Variants in C16orf74 observed in about 807,000 individuals in gnomAD.
The protein encoded by C16orf74 is uncharacterized protein C16orf74.
In C16orf74, 10 loss-of-function variants were observed where a neutral mutation model predicts 6.5. The observed-to-expected ratio is 1.54, with a 90% CI of 0.95 to 2.61. C16orf74 has a LOEUF of 2.61. C16orf74 is among the 30% of genes most tolerant of loss of function. C16orf74 has a pLI of 0.00. For synonymous variants in C16orf74, 60 were observed against 42.5 expected (o/e 1.41, Z -1.60); for missense variants, 141 against 105.9 (o/e 1.33, Z -1.45).
At chr16:85,746,960 G>T (rs903052935) in intron 1 of C16orf74, among the ~76,000 whole-genome samples, 1 of 152,094 alleles carries the variant, frequency 6.6e-6, no homozygotes, top group Non-Finnish European at 1.5e-5. Context: ...CTTAGCCACG[G>T]TCCTGCGGGG....
chr16:85,710,591 C>A (rs1455934906), intron 2 of C16orf74: 1 of 385,334 alleles, frequency 2.6e-6, no homozygotes, highest in Non-Finnish European at 4.6e-6. Context: ...CAGCCTTTAC[C>A]ATGTGGCCCA....
At position 85,708,060 on chromosome 16, in the gene C16orf74, A is replaced by T. The variant is rs1330026385; in HGVS notation, c.179T>A (p.Leu60Gln). The change falls in exon 4 of 4, where the codon CTG (leucine) becomes CAG (glutamine). Residue 60 changes from leucine to glutamine, a missense_variant. Transcript: ENST00000284245. Reference sequence around the variant, plus strand: ...ATCTGGGCACGACCCTGTCTCATCCAGCCAGACTAGGAGAAAGAGGGGATG... The same window carrying T: ...ATCTGGGCACGACCCTGTCTCATCCTGCCAGACTAGGAGAAAGAGGGGATG... ...LPRDLGSTVW[L>Q]DETGSCPDDG... The T allele has an allele frequency of 6.4e-7, 1 of 1,553,282 alleles. No individual in the cohort carries two copies. The highest frequency in any genetic ancestry group is 8.7e-7 in the Non-Finnish European group (1 of 1,147,806).
chr16:85,710,550 C>T, intron 2 of C16orf74: 1 of 476,878 alleles, frequency 2.1e-6, no homozygotes, highest in Non-Finnish European at 3.7e-6. Flanking sequence ...AAATGCTGAT[C>T]ATAGGCTAGT....
At chr16:85,727,736 C>T (rs2054148291) in intron 2 of C16orf74, among the ~76,000 whole-genome samples, 1 of 151,912 alleles carries the variant, frequency 6.6e-6, no homozygotes, top group African/African-American at 2.4e-5. Flanking sequence ...ATCGCTTGAT[C>T]CCAGGAGGTG....
intron 1 of C16orf74, chr16:85,743,541 C>A (rs971828650): frequency 1.3e-5 from 2 of 152,346 alleles, no homozygotes; most frequent in Non-Finnish European, 2.9e-5. Context: ...CATCACTGCA[C>A]TGGGTTGCAG....
At chr16:85,738,060 G>C (rs2054263693) in intron 1 of C16orf74, among the ~76,000 whole-genome samples, 3 of 148,956 alleles carry the variant, frequency 2.0e-5, no homozygotes, top group Admixed American at 1.4e-4. Context: ...GAAGCCAAAA[G>C]ATTGGACACC....
In C16orf74 at chr16:85,729,877, G is replaced by A. The variant is rs929931419; in HGVS notation, c.28+5313C>T. Among the ~76,000 whole-genome samples, 11 of 152,288 alleles carry A rather than the reference G, an allele frequency of 7.2e-5. No individual in the cohort carries two copies. In the East Asian group the frequency reaches 7.7e-4, roughly 11 times the overall value. ...GAGGGAGGGCGGCCCTGCCAGGGCCGATTTCAGAACAATGAGAGAATAAAA... is the reference window on the plus strand; with the variant it reads ...GAGGGAGGGCGGCCCTGCCAGGGCCAATTTCAGAACAATGAGAGAATAAAA... On this transcript the variant is annotated intron_variant, in intron 2 of 3. Transcript: ENST00000284245.
chr16:85,717,790 C>T (rs543515683), intron 2 of C16orf74, among the ~76,000 whole-genome samples: 1 of 152,374 alleles, frequency 6.6e-6, no homozygotes, highest in South Asian at 2.1e-4. Context: ...TGGTAATACA[C>T]AGAGCCTGGG....
intron 1 of C16orf74, among the ~76,000 whole-genome samples, chr16:85,738,662 G>A (rs997157211): frequency 2.0e-5 from 3 of 151,736 alleles, no homozygotes; most frequent in South Asian, 2.1e-4. Context: ...CTCCCTGCAG[G>A]ACTCTCACAT....
At chr16:85,736,518 A>C (rs1392978310) in intron 1 of C16orf74, among the ~76,000 whole-genome samples, 1 of 152,144 alleles carries the variant, frequency 6.6e-6, no homozygotes, top group African/African-American at 2.4e-5. Context: ...AGGTGGAGCT[A>C]GTAAGACATG....
intron 2 of C16orf74, among the ~76,000 whole-genome samples, chr16:85,727,873 T>A (rs895797194): frequency 6.1e-5 from 9 of 148,456 alleles, no homozygotes; most frequent in African/African-American, 2.3e-4. Context: ...GTGCGGTGGC[T>A]CATGCCTGAA....
chr16:85,731,571 G>T (rs573411754), intron 2 of C16orf74, among the ~76,000 whole-genome samples: 37 of 152,188 alleles, frequency 2.4e-4, no homozygotes, highest in African/African-American at 8.7e-4. Context: ...TAGTGTTGAG[G>T]CCCCAGGGAG....
rs1459073315 is a variant in C16orf74 at position 85,710,291 on chromosome 16, G to A, written c.45C>T (p.Val15=). The A allele has an allele frequency of 2.0e-6, 3 of 1,510,576 alleles. No individual in the cohort carries two copies. The highest frequency in any genetic ancestry group is 2.6e-6 in the Non-Finnish European group (3 of 1,140,170). 93.6% of individuals were successfully genotyped at this position (1,510,576 alleles called of 1,614,324 possible). ...MSCLKGFQMC[V]SSSSSSHDEA... ...CGTCGTGGCTGCTGCTGCTGCTGCT[G>A]ACACACATTTGAAAGCCTGAGAAGC... Residue 15 remains valine, a synonymous_variant, in exon 3 of 4, where the codon GTC becomes GTT. Coordinates refer to ENST00000284245, the MANE Select transcript of C16orf74 (RefSeq NM_206967.3).
intron 2 of C16orf74, among the ~76,000 whole-genome samples, chr16:85,728,332 G>C (rs2054154518): frequency 6.6e-6 from 1 of 152,150 alleles, no homozygotes; most frequent in Non-Finnish European, 1.5e-5. Flanking sequence ...AATTAAAACT[G>C]TCCTAAAAAA....
intron 2 of C16orf74, among the ~76,000 whole-genome samples, chr16:85,713,601 G>C (rs574271163): frequency 6.6e-6 from 1 of 152,114 alleles, no homozygotes; most frequent in African/African-American, 2.4e-5. Context: ...AAGGACACCC[G>C]TCATATTGGA....
intron 1 of C16orf74, among the ~76,000 whole-genome samples, chr16:85,740,646 CGTGCCACTG>C (rs1567812434): frequency 1.5e-4 from 22 of 149,378 alleles, no homozygotes; most frequent in African/African-American, 5.4e-4. Context: ...GAGCCGAGAT[CGTGCCACTG>C]CACTCCAGCG....
intron 2 of C16orf74, chr16:85,710,630 AG>A: frequency 3.3e-6 from 1 of 304,690 alleles, no homozygotes; most frequent in Non-Finnish European, 6.0e-6. Flanking sequence ...CCCGGCCACC[AG>A]CCCCCACTCT....
intron 1 of C16orf74, among the ~76,000 whole-genome samples, chr16:85,748,090 AAAT>A (rs1294560547): frequency 1.5e-5 from 1 of 67,372 alleles, no homozygotes; most frequent in African/African-American, 3.2e-5. Flanking sequence ...CGTCTCAAAA[AAAT>A]ATATATATAT....
chr16:85,736,755 T>C (rs180962996), intron 1 of C16orf74, among the ~76,000 whole-genome samples: 2 of 152,308 alleles, frequency 1.3e-5, no homozygotes, highest in East Asian at 3.9e-4. Context: ...TTCCTCATCT[T>C]TAAAATGGGA....
Sources: allele counts gnomAD v4.1 joint callset (sites outside exome capture counted in the v4.1 genomes callset), GRCh38; gene constraint gnomAD v4.1.1; transcripts MANE v1.5; gene names NCBI Gene and HGNC (gene_info 2026-07-23, HGNC 2026-07-21).